DIAPH3: variants seen among roughly 807,000 people sequenced by gnomAD.
The protein encoded by DIAPH3 is diaphanous related formin 3.
In DIAPH3, 117 loss-of-function variants were observed where a neutral mutation model predicts 144.3. The ratio of observed to expected loss-of-function variants is 0.81; its 90% CI spans 0.70 to 0.95. The LOEUF (loss-of-function observed/expected upper bound fraction) is 0.95. Among genes scored for constraint, DIAPH3 ranks in the 40% least tolerant of loss-of-function variants. The pLI, the probability that DIAPH3 is intolerant of heterozygous loss-of-function variation, is 0.00. For synonymous variants in DIAPH3, 519 were observed against 488.9 expected (o/e 1.06, Z -0.81); for missense variants, 1,421 against 1,412.7 (o/e 1.01, Z -0.09).
intron 17 of DIAPH3, among the ~76,000 whole-genome samples, chr13:59,932,990 A>C (rs950671652): frequency 2.6e-5 from 4 of 152,236 alleles, no homozygotes; most frequent in African/African-American, 9.6e-5. Flanking sequence ...GGGCTGCATC[A>C]GTGGAAAACC....
At chr13:59,796,893 T>C (rs2139442187) in intron 25 of DIAPH3, among the ~76,000 whole-genome samples, 1 of 152,288 alleles carries the variant, frequency 6.6e-6, no homozygotes, top group Middle Eastern at 3.4e-3. Flanking sequence ...CTAATAAAGT[T>C]TGTTATTAAT....
chr13:59,809,115 T>A (rs2040336154), intron 25 of DIAPH3, among the ~76,000 whole-genome samples: 2 of 152,176 alleles, frequency 1.3e-5, no homozygotes, highest in African/African-American at 4.8e-5. Context: ...ACTGAGACAC[T>A]CTGTGTGATC....
intron 2 of DIAPH3, among the ~76,000 whole-genome samples, chr13:60,118,806 T>A (rs1225022189): frequency 6.6e-6 from 1 of 152,148 alleles, no homozygotes; most frequent in Non-Finnish European, 1.5e-5. Flanking sequence ...TAACAGGAAA[T>A]AAAAGTACTA....
intron 9 of DIAPH3, among the ~76,000 whole-genome samples, chr13:60,001,047 T>A (rs542337131): frequency 2.2e-4 from 33 of 152,322 alleles, no homozygotes; most frequent in African/African-American, 7.7e-4. Flanking sequence ...GTATTGCAAG[T>A]AAAGACATTG....
chr13:60,042,007 A>G (rs1239209680), intron 5 of DIAPH3, among the ~76,000 whole-genome samples: 2 of 152,108 alleles, frequency 1.3e-5, no homozygotes, highest in Non-Finnish European at 2.9e-5. Flanking sequence ...GTCTCCTACC[A>G]TGCAATAATC....
intron 20 of DIAPH3, among the ~76,000 whole-genome samples, chr13:59,909,950 C>T: frequency 6.6e-6 from 1 of 152,160 alleles, no homozygotes; most frequent in Non-Finnish European, 1.5e-5. Context: ...CATAACTTGG[C>T]TATTTTAAGT....
chr13:59,810,932 ATTTTG>A lies in DIAPH3; in HGVS notation c.3028-14_3028-10del. The A allele has an allele frequency of 6.3e-7, 1 of 1,599,882 alleles. No homozygotes were observed. Among genetic ancestry groups the A allele is most frequent in the Admixed American group, 1.7e-5 (1 of 58,378 alleles). On this transcript the variant is annotated splice_polypyrimidine_tract_variant and intron_variant, in intron 24 of 27. Transcript: ENST00000400324. ...TTCTCCTTTATTGCTTGCTAAAAAA[ATTTTG>A]AAAAATGATCAATTTTAACCAGTGA...
At chr13:59,832,105 A>G (rs1317765371) in intron 24 of DIAPH3, among the ~76,000 whole-genome samples, 2 of 151,874 alleles carry the variant, frequency 1.3e-5, no homozygotes, top group Non-Finnish European at 2.9e-5. Flanking sequence ...AATATATTGC[A>G]AAGTATGTGA....
chr13:59,710,526 G>A (rs1406206887), intron 27 of DIAPH3, among the ~76,000 whole-genome samples: 2 of 152,144 alleles, frequency 1.3e-5, no homozygotes, highest in Non-Finnish European at 2.9e-5. Flanking sequence ...CAAGGGAGAA[G>A]GAATAATAAA....
chr13:59,995,446 T>C (rs989070684), intron 9 of DIAPH3, among the ~76,000 whole-genome samples: 4 of 152,064 alleles, frequency 2.6e-5, no homozygotes, highest in Non-Finnish European at 5.9e-5. Flanking sequence ...TGAGAGCATC[T>C]AGTTAACTAA....
intron 27 of DIAPH3, among the ~76,000 whole-genome samples, chr13:59,686,861 T>A (rs909917867): frequency 3.9e-5 from 6 of 152,060 alleles, no homozygotes; most frequent in African/African-American, 1.2e-4. Flanking sequence ...AATAGAGCAC[T>A]AGGACAACAA....
At chr13:60,071,357 T>G (rs1405144336) in intron 4 of DIAPH3, among the ~76,000 whole-genome samples, 1 of 152,152 alleles carries the variant, frequency 6.6e-6, no homozygotes, top group African/African-American at 2.4e-5. Context: ...TGTAAGAGAG[T>G]TGACCGTGGC....
intron 25 of DIAPH3, among the ~76,000 whole-genome samples, chr13:59,799,375 G>A (rs1446661893): frequency 1.4e-5 from 2 of 139,246 alleles, no homozygotes; most frequent in African/African-American, 2.7e-5. Flanking sequence ...CTGGAAATAT[G>A]CACACACACA....
At chr13:59,827,904 C>T (rs188495248) in intron 24 of DIAPH3, among the ~76,000 whole-genome samples, 1 of 152,134 alleles carries the variant, frequency 6.6e-6, no homozygotes, top group Non-Finnish European at 1.5e-5. Flanking sequence ...AGGTTGCTCA[C>T]AAGATCCAAC....
intron 17 of DIAPH3, among the ~76,000 whole-genome samples, chr13:59,959,794 T>C (rs1315279812): frequency 1.3e-5 from 2 of 152,238 alleles, no homozygotes; most frequent in African/African-American, 4.8e-5. Flanking sequence ...TAAATTTGCA[T>C]TTCTAAAGCT....
At chr13:59,968,201 C>A (rs2050163667) in intron 17 of DIAPH3, among the ~76,000 whole-genome samples, 1 of 152,054 alleles carries the variant, frequency 6.6e-6, no homozygotes, top group South Asian at 2.1e-4. Context: ...GCTAACATTG[C>A]AGCTAAATTA....
intron 5 of DIAPH3, among the ~76,000 whole-genome samples, chr13:60,024,101 C>T (rs948715601): frequency 3.3e-5 from 5 of 151,638 alleles, no homozygotes; most frequent in African/African-American, 7.3e-5. Flanking sequence ...GTGGTCCAGC[C>T]GCCTCAGCCT....
At chr13:59,761,271 G>A (rs1204876347) in intron 27 of DIAPH3, among the ~76,000 whole-genome samples, 1 of 152,000 alleles carries the variant, frequency 6.6e-6, no homozygotes, top group Non-Finnish European at 1.5e-5. Context: ...TGTAATACAC[G>A]AAAAGTCACT....
chr13:60,137,797 G>A (rs1313505247), intron 1 of DIAPH3, among the ~76,000 whole-genome samples: 1 of 144,982 alleles, frequency 6.9e-6, no homozygotes, highest in Admixed American at 7.0e-5. Flanking sequence ...AGGCTGGAGT[G>A]CAGCAGTGCA....
Sources: allele counts gnomAD v4.1 joint callset (sites outside exome capture counted in the v4.1 genomes callset), GRCh38; gene constraint gnomAD v4.1.1; transcripts MANE v1.5; gene names NCBI Gene and HGNC (gene_info 2026-07-23, HGNC 2026-07-21).